CHLSN: variants seen among roughly 807,000 people sequenced by gnomAD.
CHLSN encodes the protein cholesin, also known as protein cholesin.
the CHLSN span, among the ~76,000 whole-genome samples, chr7:1,096,162 CACGCCGCCCCACT>C: frequency 6.6e-6 from 1 of 152,246 alleles, no homozygotes; most frequent in East Asian, 1.9e-4. This position sits in a 1 kb window ranked among gnomAD's most constrained non-coding sequence, Gnocchi z 4.6. Flanking sequence ...GTGGAAGCGT[CACGCCGCCCCACT>C]ACGCCGCTCC....
chr7:1,063,526 C>T, the CHLSN span, among the ~76,000 whole-genome samples: 1 of 152,224 alleles, frequency 6.6e-6, no homozygotes, highest in African/African-American at 2.4e-5. Flanking sequence ...CAACTTCAGG[C>T]GTTCGTGCAC....
At chr7:1,058,479 T>C in the CHLSN span, 3 of 779,962 alleles carry the variant, frequency 3.8e-6, no homozygotes, top group Non-Finnish European at 7.2e-6. Flanking sequence ...CCGGCACTGC[T>C]CCCCGGACCA....
chr7:982,132 T>A, the CHLSN span, among the ~76,000 whole-genome samples: 1 of 152,178 alleles, frequency 6.6e-6, no homozygotes, highest in Non-Finnish European at 1.5e-5. Context: ...GTGGCCCTGG[T>A]ATGAGGCACT....
the CHLSN span, chr7:983,115 G>GA: frequency 9.3e-7 from 1 of 1,074,784 alleles, no homozygotes. Flanking sequence ...GGGTGGTGGG[G>GA]TGGGTGGGGT....
chr7:978,779 T>C, the CHLSN span, among the ~76,000 whole-genome samples: 1 of 152,234 alleles, frequency 6.6e-6, no homozygotes, highest in Non-Finnish European at 1.5e-5. Flanking sequence ...TGCCGCTGCA[T>C]AACAAAGCAC....
the CHLSN span, among the ~76,000 whole-genome samples, chr7:1,135,850 T>C: frequency 7.4e-6 from 1 of 134,932 alleles, no homozygotes; most frequent in African/African-American, 2.9e-5. Flanking sequence ...TACATAAATA[T>C]GTATTTATAT....
At chr7:1,074,619 A>G in the CHLSN span, 3 of 152,066 alleles carry the variant, frequency 2.0e-5, no homozygotes, top group African/African-American at 7.3e-5. Flanking sequence ...CACCCCAAAA[A>G]ACGCCTTCCT....
chr7:991,713 A>ATACAC, the CHLSN span, among the ~76,000 whole-genome samples: 2 of 152,228 alleles, frequency 1.3e-5, no homozygotes, highest in Non-Finnish European at 2.9e-5. Context: ...TGGTGATAAA[A>ATACAC]TACACGTAGA....
chr7:985,524 C>G, the CHLSN span, among the ~76,000 whole-genome samples: 1 of 152,330 alleles, frequency 6.6e-6, no homozygotes, highest in East Asian at 1.9e-4. Context: ...CTGTGCTCTC[C>G]AGGAAATGGG....
chr7:997,389 C>A, the CHLSN span: 39,702 of 499,206 alleles, frequency 0.08, 1,799 homozygotes, highest in South Asian at 0.12. Context: ...GCTGAAGGCA[C>A]TGAACCTGCC....
the CHLSN span, among the ~76,000 whole-genome samples, chr7:1,043,091 C>A: frequency 1.8e-4 from 25 of 135,182 alleles, no homozygotes; most frequent in South Asian, 4.9e-4. Context: ...ATCTCTACTA[C>A]AAAAAAAAAA....
chr7:1,078,351 G>T, the CHLSN span, among the ~76,000 whole-genome samples: 51 of 91,008 alleles, frequency 5.6e-4, no homozygotes, highest in African/African-American at 1.6e-3. Context: ...CTGCGGGGTG[G>T]GGGGGGGCTC....
the CHLSN span, among the ~76,000 whole-genome samples, chr7:1,053,598 T>C: frequency 1.3e-5 from 2 of 152,126 alleles, no homozygotes. Context: ...GAGGCCGAGG[T>C]GGGCGGATCA....
the CHLSN span, chr7:986,835 G>A: frequency 3.4e-6 from 5 of 1,476,232 alleles, no homozygotes; most frequent in Non-Finnish European, 3.6e-6. Context: ...AGGCCTGTAG[G>A]GGTCCTGAGG....
the CHLSN span, among the ~76,000 whole-genome samples, chr7:1,132,694 T>TAAA: frequency 0.045 from 4,770 of 106,826 alleles, 153 homozygotes; most frequent in East Asian, 0.13. Context: ...AACCTGTCTT[T>TAAA]AAAAAAAAAA....
chr7:1,028,090 G>C, the CHLSN span, among the ~76,000 whole-genome samples: 1 of 151,422 alleles, frequency 6.6e-6, no homozygotes, highest in East Asian at 1.9e-4. Context: ...CGAGAAGCGC[G>C]GCTCGGCCGG....
chr7:1,036,704 C>T, the CHLSN span, among the ~76,000 whole-genome samples: 2 of 121,574 alleles, frequency 1.6e-5, no homozygotes, highest in Non-Finnish European at 4.1e-5. Context: ...GGGAAGATGG[C>T]GGCTGCTCCT....
the CHLSN span, among the ~76,000 whole-genome samples, chr7:1,075,000 C>T: frequency 6.6e-6 from 1 of 152,192 alleles, no homozygotes. Flanking sequence ...GGGGCTCCTC[C>T]TTGTGACTGC....
chr7:1,083,659 C>T, the CHLSN span, among the ~76,000 whole-genome samples: 3 of 151,000 alleles, frequency 2.0e-5, no homozygotes, highest in Non-Finnish European at 1.5e-5. Context: ...AAAAAAAACA[C>T]GAGAGTGTGG....
Sources: allele counts gnomAD v4.1 joint callset (sites outside exome capture counted in the v4.1 genomes callset), GRCh38; gene constraint gnomAD v4.1.1; non-coding constraint Gnocchi (gnomAD v3.1); transcripts MANE v1.5; gene names NCBI Gene and HGNC (gene_info 2026-07-23, HGNC 2026-07-21).